Variants in NLRP13 observed in about 807,000 individuals in gnomAD.
NLRP13 encodes the protein NLR family pyrin domain containing 13, also known as NACHT, LRR and PYD domains-containing protein 13.
Under a neutral mutation model 94.4 loss-of-function variants are expected in NLRP13, and 82 were observed. The ratio of observed to expected loss-of-function variants is 0.87; its 90% CI spans 0.73 to 1.04. NLRP13 has a LOEUF of 1.04. Among genes scored for constraint, NLRP13 ranks in the 50% least tolerant of loss-of-function variants. NLRP13 has a pLI of 0.00. For synonymous variants in NLRP13, 553 were observed against 464.7 expected (o/e 1.19, Z -2.45); for missense variants, 1,426 against 1,230.8 (o/e 1.16, Z -2.37).
At chr19:55,923,748 AT>A (rs982785610) in intron 4 of NLRP13, among the ~76,000 whole-genome samples, 165 bp downstream of exon 4, 42 of 152,084 alleles carry the variant, frequency 2.8e-4, no homozygotes, top group African/African-American at 9.9e-4. Context: ...TGGACCTGGC[AT>A]TTTTCAACAA....
At chr19:55,895,081 AATTTAT>A (rs1174817433), downstream of NLRP13, among the ~76,000 whole-genome samples, 3 of 152,208 alleles carry the variant, frequency 2.0e-5, no homozygotes, top group African/African-American at 4.8e-5. Context: ...TAAAATTAAA[AATTTAT>A]ATTTATATTA....
At chr19:55,929,608 C>A (rs1039470535) in intron 1 of NLRP13, among the ~76,000 whole-genome samples, 1 of 152,078 alleles carries the variant, frequency 6.6e-6, no homozygotes, top group Non-Finnish European at 1.5e-5. Context: ...GGGAACATCA[C>A]CCACTGGGCC....
intron 7 of NLRP13, among the ~76,000 whole-genome samples, chr19:55,907,519 C>T (rs1016965263): frequency 2.6e-5 from 4 of 152,120 alleles, no homozygotes; most frequent in African/African-American, 4.8e-5. Flanking sequence ...TTGCAGCAAG[C>T]AGAGATCACG....
intron 1 of NLRP13, among the ~76,000 whole-genome samples, chr19:55,928,184 A>AG (rs1474287823): frequency 1.3e-5 from 2 of 152,196 alleles, no homozygotes; most frequent in Non-Finnish European, 2.9e-5. Context: ...GACAAGGACC[A>AG]GGGAAACGGG....
intron 9 of NLRP13, among the ~76,000 whole-genome samples, chr19:55,901,037 T>G (rs779718646): frequency 6.6e-6 from 1 of 152,208 alleles, no homozygotes; most frequent in Non-Finnish European, 1.5e-5. Context: ...GTAAAAACTC[T>G]GGGCTCAGGG....
At chr19:55,896,533 A>AAG (rs1986016147) in intron 10 of NLRP13, among the ~76,000 whole-genome samples, 1 of 149,826 alleles carries the variant, frequency 6.7e-6, no homozygotes, top group African/African-American at 2.5e-5. Flanking sequence ...AAAAAAAAAA[A>AAG]AAGGGCTGGG....
chr19:55,924,900 T>A, intron 2 of NLRP13, 67 bp downstream of exon 2: 1 of 1,309,638 alleles, frequency 7.6e-7, no homozygotes, highest in Non-Finnish European at 1.1e-6. Context: ...AGGCAGCGGA[T>A]GTGGACCAGT....
At chr19:55,894,043 C>CTTT (rs36039690), downstream of NLRP13, among the ~76,000 whole-genome samples, 1,199 of 112,826 alleles carry the variant, frequency 0.011, 54 homozygotes, top group African/African-American at 0.038. Flanking sequence ...CATGCCCCAA[C>CTTT]TTTTTTTTTT....
chr19:55,930,287 T>C lies in NLRP13; in HGVS notation c.319+1706A>G, dbSNP rs1483985070. Reference sequence around the variant, plus strand: ...GTGACTTTGGGAAATTTACTTAAGCTGTCTGTGCCTCAGTTTCCTTCTCTG... The same window carrying C: ...GTGACTTTGGGAAATTTACTTAAGCCGTCTGTGCCTCAGTTTCCTTCTCTG... On this transcript the variant is annotated intron_variant, in intron 1 of 10. Coordinates refer to ENST00000342929, the MANE Select transcript of NLRP13 (RefSeq NM_176810.2). Among the ~76,000 whole-genome samples the C allele has an allele frequency of 2.6e-5, 4 of 152,230 alleles. No homozygotes were observed. In the East Asian group the frequency reaches 7.7e-4, roughly 29 times the overall value.
Position 55,911,853 on chromosome 19 carries a change from A to C in NLRP13, c.1964T>G (p.Leu655Trp). Residue 655 changes from leucine to tryptophan, a missense_variant, in exon 5 of 11, where the codon TTG (leucine) becomes TGG (tryptophan). Physicochemically the swap from Leu to Trp is moderately conservative, Grantham distance 61. Coordinates refer to ENST00000342929, the MANE Select transcript of NLRP13 (RefSeq NM_176810.2). ...AAGGTCAACTTCAAAGATACGACCC[A>C]ACATCTTCTTTGTGAAGTCTTCCTC... ...SQEEDFTKKM[L>W]GRIFEVDLNI... 6.2e-7 allele frequency: 1 copy of C among 1,614,212 alleles called. No individual in the cohort carries two copies. Among genetic ancestry groups the C allele is most frequent in the Non-Finnish European group, 8.5e-7 (1 of 1,180,030 alleles).
At chr19:55,905,468 T>C (rs1188011644) in intron 7 of NLRP13, among the ~76,000 whole-genome samples, 1 of 118,728 alleles carries the variant, frequency 8.4e-6, no homozygotes, top group African/African-American at 2.7e-5. Flanking sequence ...TATACACACA[T>C]ATATACATAT....
At chr19:55,899,746 C>G (rs1280011489) in intron 9 of NLRP13, among the ~76,000 whole-genome samples, 1 of 152,130 alleles carries the variant, frequency 6.6e-6, no homozygotes, top group Non-Finnish European at 1.5e-5. Flanking sequence ...CACCATTGTA[C>G]TCCAGCCTGG....
downstream of NLRP13, chr19:55,895,793 GCA>G (rs1398544869): frequency 5.2e-6 from 4 of 775,834 alleles, no homozygotes; most frequent in African/African-American, 6.9e-5. Flanking sequence ...CAGGTGCACA[GCA>G]CAGAGATCAC....
Position 55,910,754 on chromosome 19 carries a change from A to G in NLRP13, c.2112-21T>C, listed in dbSNP as rs759967968. 7 of 1,581,082 alleles carry G rather than the reference A, an allele frequency of 4.4e-6. No individual in the cohort carries two copies. In the Admixed American group the frequency reaches 8.6e-5, roughly 19 times the overall value. On this transcript the variant is annotated intron_variant, in intron 5 of 10. Coordinates refer to ENST00000342929, the MANE Select transcript of NLRP13 (RefSeq NM_176810.2). ...TTGTCCTTCATGAGGGAGAGACAGA[A>G]CACGGATAAGAGCAAATTAGCCTCA...
intron 1 of NLRP13, among the ~76,000 whole-genome samples, chr19:55,930,961 T>C (rs1987116381): frequency 1.3e-5 from 2 of 148,510 alleles, no homozygotes; most frequent in South Asian, 4.2e-4. Context: ...CAAAACACTT[T>C]ATTACCACAA....
chr19:55,904,726 C>T (rs954883485), intron 8 of NLRP13, among the ~76,000 whole-genome samples: 4 of 152,136 alleles, frequency 2.6e-5, no homozygotes, highest in Non-Finnish European at 2.9e-5. Flanking sequence ...CTGGGGTCCT[C>T]GTGGAAATTA....
At chr19:55,893,141 C>CA (rs1322108937), downstream of NLRP13, among the ~76,000 whole-genome samples, 1 of 152,136 alleles carries the variant, frequency 6.6e-6, no homozygotes, top group African/African-American at 2.4e-5. Context: ...GTAATCCCAG[C>CA]ACTTTGGGAG....
At chr19:55,896,619 C>T (rs949736208) in intron 10 of NLRP13, among the ~76,000 whole-genome samples, 3 of 151,098 alleles carry the variant, frequency 2.0e-5, no homozygotes, top group Admixed American at 6.6e-5. Context: ...GAGTTCAACA[C>T]CAGCCTCGAC....
intron 1 of NLRP13, among the ~76,000 whole-genome samples, chr19:55,926,613 C>A (rs1348681988): frequency 6.6e-6 from 1 of 152,070 alleles, no homozygotes. Flanking sequence ...TCCTAGCAAC[C>A]CCTCAATGTA....
Sources: allele counts gnomAD v4.1 joint callset (sites outside exome capture counted in the v4.1 genomes callset), GRCh38; gene constraint gnomAD v4.1.1; transcripts MANE v1.5; gene names NCBI Gene and HGNC (gene_info 2026-07-23, HGNC 2026-07-21).